VPS13B: variants seen among roughly 807,000 people sequenced by gnomAD.
VPS13B encodes the protein intermembrane lipid transfer protein VPS13B.
VPS13B carries 285 observed loss-of-function variants against 426.4 expected under a neutral mutation model. The observed-to-expected ratio is 0.67, with a 90% CI of 0.61 to 0.74. VPS13B has a LOEUF of 0.74. Among genes scored for constraint, VPS13B ranks in the 30% least tolerant of loss-of-function variants. VPS13B has a pLI of 0.00. For missense variants in VPS13B, 4,537 were observed against 4,782.6 expected, an observed-to-expected ratio of 0.95 and a Z score of 1.51; for synonymous variants, 1,676 against 1,676.4, an observed-to-expected ratio of 1.00 and a Z score of 0.01.
In VPS13B at chr8:99,501,702, G is replaced by A. The variant is rs753935267; in HGVS notation, c.3886G>A (p.Ala1296Thr). 1.2e-6 allele frequency: 2 copies of A among 1,613,762 alleles called. No homozygotes were observed. Among genetic ancestry groups the A allele is most frequent in the Non-Finnish European group, 1.7e-6 (2 of 1,179,940 alleles). Residue 1296 changes from alanine (A) to threonine (T), a missense_variant, in exon 26 of 62, where the codon GCA (alanine) becomes ACA (threonine). This residue lies in a region of VPS13B where 4,311 missense variants were observed against 4,474.3 expected (regional missense o/e 0.96). Transcript: ENST00000357162. ...CTCATCCCAGGGAGATTCTATACAA[G>A]CAGGTGAGGAATCACCATTCTCAGA... ...GTTTEGDSIQ[A>T]GEESPFSDSV...
intron 44 of VPS13B, among the ~76,000 whole-genome samples, chr8:99,816,917 C>T (rs1045679014): frequency 2.6e-5 from 4 of 152,228 alleles, no homozygotes; most frequent in African/African-American, 9.6e-5. Flanking sequence ...GTGAAATAAA[C>T]CCTTGAAAAT....
At chr8:99,657,431 G>A (rs1453581398) in intron 34 of VPS13B, among the ~76,000 whole-genome samples, 1 of 147,758 alleles carries the variant, frequency 6.8e-6, no homozygotes, top group Admixed American at 6.8e-5. Flanking sequence ...ATATGTTTAG[G>A]ATCATCCTAG....
intron 15 of VPS13B, among the ~76,000 whole-genome samples, chr8:99,165,328 A>G (rs909121631): frequency 1.3e-5 from 2 of 151,772 alleles, no homozygotes; most frequent in African/African-American, 4.8e-5. Flanking sequence ...CATCTCTTCA[A>G]CCTCCTCTCC....
rs181830964 is a variant in VPS13B at position 99,577,476 on chromosome 8, C to T, written c.5077-14C>T. ...TCATGTTTCTTTATCTGTATTCTAC[C>T]GTTTTTGCTTCAGGAGATTTTAGTG... On this transcript the variant is annotated splice_polypyrimidine_tract_variant and intron_variant, in intron 32 of 61. Transcript: ENST00000357162. 3.3e-5 allele frequency: 54 copies of T among 1,613,402 alleles called. No homozygotes were observed. Among genetic ancestry groups the T allele is most frequent in the African/African-American group, 1.5e-4 (11 of 75,002 alleles).
At chr8:99,532,814 T>C (rs1457546079) in intron 30 of VPS13B, among the ~76,000 whole-genome samples, 1 of 151,184 alleles carries the variant, frequency 6.6e-6, no homozygotes, top group East Asian at 2.0e-4. Context: ...GCATAAATAT[T>C]TAACACAAAA....
intron 17 of VPS13B, among the ~76,000 whole-genome samples, chr8:99,255,547 C>T (rs555882053): frequency 8.5e-5 from 13 of 152,316 alleles, no homozygotes; most frequent in African/African-American, 3.1e-4. Context: ...TGGAAGGGAA[C>T]ATGCCTCCAC....
chr8:99,458,761 G>T (rs1418176016), intron 23 of VPS13B, among the ~76,000 whole-genome samples: 1 of 152,020 alleles, frequency 6.6e-6, no homozygotes, highest in African/African-American at 2.4e-5. Flanking sequence ...CTTTTTGATG[G>T]GGTTGTTTGT....
intron 54 of VPS13B, among the ~76,000 whole-genome samples, chr8:99,838,368 A>G (rs1815503845): frequency 6.6e-6 from 1 of 152,242 alleles, no homozygotes; most frequent in African/African-American, 2.4e-5. Flanking sequence ...TACCAGGAAA[A>G]TAGTTCAGAC....
At chr8:99,597,123 G>T (rs536163535) in intron 33 of VPS13B, among the ~76,000 whole-genome samples, 45 of 152,144 alleles carry the variant, frequency 3.0e-4, no homozygotes, top group Admixed American at 3.0e-3. Context: ...ATCTGACGAT[G>T]AACTCCCTTT....
rs969694232 is a variant in VPS13B, at chr8:99,139,968, C to T, written c.1652-3006C>T. Among the ~76,000 whole-genome samples the T allele has an allele frequency of 4.6e-5, 7 of 151,710 alleles. No individual in the cohort carries two copies. In the East Asian group the frequency reaches 5.8e-4, roughly 13 times the overall value. ...ATTTTATTAAGTAAATATCTAAACACGTATTGAGCCAATATTTTTACAGAG... is the reference window on the plus strand; with the variant it reads ...ATTTTATTAAGTAAATATCTAAACATGTATTGAGCCAATATTTTTACAGAG... On this transcript the variant is annotated intron_variant, in intron 12 of 61. Coordinates refer to ENST00000357162, the MANE Select transcript of VPS13B (RefSeq NM_152564.5).
chr8:99,714,697 A>G (rs998702124), intron 36 of VPS13B, among the ~76,000 whole-genome samples: 3 of 152,216 alleles, frequency 2.0e-5, no homozygotes, highest in Non-Finnish European at 4.4e-5. Context: ...TCAAAAATGC[A>G]TAACCTCTTT....
chr8:99,813,086 A>G (rs895114011), intron 44 of VPS13B, among the ~76,000 whole-genome samples: 4 of 152,352 alleles, frequency 2.6e-5, no homozygotes, highest in African/African-American at 9.6e-5. Flanking sequence ...CACTTTGAAG[A>G]AAAGCAGATA....
chr8:99,411,162 T>C (rs1815636769), intron 21 of VPS13B, among the ~76,000 whole-genome samples: 2 of 152,212 alleles, frequency 1.3e-5, no homozygotes, highest in African/African-American at 4.8e-5. Context: ...ACGGTTGAAC[T>C]AATTTGCACT....
chr8:99,750,482 G>A (rs903966296), intron 39 of VPS13B, among the ~76,000 whole-genome samples: 12 of 151,994 alleles, frequency 7.9e-5, no homozygotes, highest in East Asian at 1.9e-4. Context: ...TGTTGACTAC[G>A]ACTTCATGAA....
chr8:99,760,137 T>A (rs886438777), intron 39 of VPS13B, among the ~76,000 whole-genome samples: 6 of 151,690 alleles, frequency 4.0e-5, no homozygotes, highest in Non-Finnish European at 1.5e-5. Context: ...CCACCACACC[T>A]GGCTATTTTT....
intron 2 of VPS13B, among the ~76,000 whole-genome samples, chr8:99,028,254 G>A (rs1283065459): frequency 1.3e-5 from 2 of 151,670 alleles, no homozygotes; most frequent in African/African-American, 4.8e-5. Flanking sequence ...GGTCGTGGCC[G>A]GGCAGAGGGG....
intron 8 of VPS13B, among the ~76,000 whole-genome samples, chr8:99,132,542 G>C (rs1164645858): frequency 6.6e-6 from 1 of 152,118 alleles, no homozygotes; most frequent in African/African-American, 2.4e-5. Flanking sequence ...GTTCTTAATG[G>C]AATCTGGAAT....
intron 5 of VPS13B, among the ~76,000 whole-genome samples, chr8:99,103,495 T>C (rs965721542): frequency 5.3e-4 from 8 of 15,234 alleles, no homozygotes; most frequent in African/African-American, 2.3e-3. Flanking sequence ...ATGCCCGGCT[T>C]TTTTTTTTTT....
At chr8:99,563,178 G>A (rs1163214205) in intron 31 of VPS13B, among the ~76,000 whole-genome samples, 1 of 152,090 alleles carries the variant, frequency 6.6e-6, no homozygotes, top group Non-Finnish European at 1.5e-5. Context: ...AAATAAATGA[G>A]TAATAAAAAA....
Sources: allele counts gnomAD v4.1 joint callset (sites outside exome capture counted in the v4.1 genomes callset), GRCh38; gene constraint gnomAD v4.1.1; regional missense constraint gnomAD v4.1.1; transcripts MANE v1.5; gene names NCBI Gene and HGNC (gene_info 2026-07-23, HGNC 2026-07-21).